JADE2: variants seen among roughly 807,000 people sequenced by gnomAD.
JADE2 encodes E3 ubiquitin-protein ligase Jade-2.
JADE2 carries 13 observed loss-of-function variants against 85.7 expected under a neutral mutation model. The ratio of observed to expected loss-of-function variants is 0.15; its 90% CI spans 0.10 to 0.24. The LOEUF (loss-of-function observed/expected upper bound fraction) is 0.24, where lower values mean the gene tolerates loss of function less well. JADE2 is among the 10% of genes least tolerant of loss of function. The pLI is 1.00. For missense variants in JADE2, 846 were observed against 1,115.9 expected (o/e 0.76, Z 3.45); for synonymous variants, 440 against 456.1 (o/e 0.96, Z 0.45).
At chr5:134,546,622 G>T (rs1316286607) in intron 3 of JADE2, among the ~76,000 whole-genome samples, 1 of 152,000 alleles carries the variant, frequency 6.6e-6, no homozygotes, top group Non-Finnish European at 1.5e-5. Context: ...ATAAAAATTA[G>T]CTGGGCGCGG....
chr5:134,547,493 C>T (rs935855437), intron 3 of JADE2, among the ~76,000 whole-genome samples: 5 of 152,168 alleles, frequency 3.3e-5, no homozygotes, highest in African/African-American at 4.8e-5. Flanking sequence ...ACTTTCTTGC[C>T]ACAGCAAGGC....
intron 4 of JADE2, 73 bp from the exon 5 acceptor site, chr5:134,559,757 T>A: frequency 6.7e-7 from 1 of 1,493,302 alleles, no homozygotes; most frequent in Middle Eastern, 2.4e-4. Flanking sequence ...GCTGGACTGG[T>A]CAGCTCCCTG....
chr5:134,553,029 T>G (rs1413019577), intron 4 of JADE2, among the ~76,000 whole-genome samples: 1 of 128,602 alleles, frequency 7.8e-6, no homozygotes, highest in Non-Finnish European at 1.6e-5. Flanking sequence ...GGTCTCACTC[T>G]GTTACCCAGG....
intron 10 of JADE2, chr5:134,574,864 A>G (rs928001545): frequency 6.6e-6 from 1 of 152,256 alleles, no homozygotes; most frequent in African/African-American, 2.4e-5. Flanking sequence ...GAGAGAGAGG[A>G]ATGTGGTATC....
intron 3 of JADE2, chr5:134,544,582 C>T: frequency 6.0e-6 from 1 of 166,420 alleles, no homozygotes; most frequent in Non-Finnish European, 1.5e-5. Flanking sequence ...AAGCAGGCCA[C>T]CCTGAGCTGG....
chr5:134,545,686 A>T (rs1052045403), intron 3 of JADE2, among the ~76,000 whole-genome samples: 1 of 152,200 alleles, frequency 6.6e-6, no homozygotes, highest in East Asian at 1.9e-4. Context: ...CTCAGTCTCC[A>T]CATCTGTAAA....
intron 1 of JADE2, chr5:134,526,646 C>T (rs947430741): frequency 2.7e-5 from 27 of 985,534 alleles, no homozygotes; most frequent in African/African-American, 1.2e-4. Flanking sequence ...CCCCCTCTCC[C>T]GGCCCGGTGC....
chr5:134,554,691 A>T (rs929042814), intron 4 of JADE2, among the ~76,000 whole-genome samples: 2 of 151,854 alleles, frequency 1.3e-5, no homozygotes, highest in Non-Finnish European at 2.9e-5. Flanking sequence ...TTTGGAGAGG[A>T]TGGACTGGGG....
intron 3 of JADE2, among the ~76,000 whole-genome samples, chr5:134,539,639 C>T (rs1005492370): frequency 6.6e-6 from 1 of 152,268 alleles, no homozygotes; most frequent in Non-Finnish European, 1.5e-5. Context: ...ATCGCAAGGT[C>T]ATTTAGCCAA....
chr5:134,561,412 C>T (rs1050638085), intron 6 of JADE2, among the ~76,000 whole-genome samples: 4 of 152,210 alleles, frequency 2.6e-5, no homozygotes, highest in Non-Finnish European at 4.4e-5. Flanking sequence ...GATTGTTGCA[C>T]GGATTAAATT....
At chr5:134,559,092 G>C (rs749293622) in intron 4 of JADE2, among the ~76,000 whole-genome samples, 1 of 152,164 alleles carries the variant, frequency 6.6e-6, no homozygotes, top group Non-Finnish European at 1.5e-5. Context: ...TCCTGGGGCC[G>C]GGTAACACTG....
At chr5:134,576,378 T>C (rs961850831) in intron 10 of JADE2, among the ~76,000 whole-genome samples, 8 of 152,128 alleles carry the variant, frequency 5.3e-5, no homozygotes, top group African/African-American at 1.9e-4. Flanking sequence ...AACCCAAGCC[T>C]CTTGACCCCT....
chr5:134,573,923 A>G, intron 10 of JADE2, 161 bp downstream of exon 10: 2 of 711,128 alleles, frequency 2.8e-6, no homozygotes, highest in Non-Finnish European at 5.1e-6. Flanking sequence ...TAGTAGGCCC[A>G]GACGGGGGCC....
At chr5:134,545,171 G>A (rs1340737520) in intron 3 of JADE2, among the ~76,000 whole-genome samples, 5 of 152,182 alleles carry the variant, frequency 3.3e-5, no homozygotes, top group African/African-American at 1.2e-4. Context: ...TGAGGCAGGC[G>A]GGTTGGGGCG....
At position 134,579,415 on chromosome 5, in the gene JADE2, C is replaced by T. The variant is rs1764592001; in HGVS notation, c.*98C>T. 7 of 945,470 alleles carry T rather than the reference C, an allele frequency of 7.4e-6. No individual in the cohort carries two copies. The highest frequency in any genetic ancestry group is 1.7e-5 in the African/African-American group (1 of 60,310). The allele number at this position is 945,470 out of a possible 1,614,324, so 58.6% of individuals were successfully genotyped here. The stretch of plus-strand genomic sequence containing the variant: ...TCCAGTCTCTGCTGAGTGTCCCAGA[C>T]CCTCGAGGCTGCCACTCCGTCGTGG... On this transcript the variant is annotated 3_prime_UTR_variant, in exon 12 of 12. Transcript: ENST00000681547. The surrounding 1 kb of genome is among the most constrained non-coding windows in gnomAD (Gnocchi z 4.6).
chr5:134,557,215 G>T (rs1581444036), intron 4 of JADE2, among the ~76,000 whole-genome samples: 1 of 149,582 alleles, frequency 6.7e-6, no homozygotes, highest in African/African-American at 2.4e-5. Flanking sequence ...TGATGATGAT[G>T]ATGATGATTA....
rs145806674 is a variant in JADE2, at chr5:134,554,841, T to C, written c.311+2632T>C. ...TGCCTGGTAGCTGCCCGGGTCAGAA[T>C]TGTTAGAGAAACCCTGTTCTTGAGG... On this transcript the variant is annotated intron_variant, in intron 4 of 11. Coordinates refer to ENST00000681547, the MANE Select transcript of JADE2 (RefSeq NM_001388185.1). 1.2e-3 allele frequency among the ~76,000 whole-genome samples: 182 copies of C among 152,334 alleles called. 8 individuals are homozygous for C. The East Asian group carries it at 0.034, about 28-fold the overall frequency.
Position 134,562,176 on chromosome 5 carries a change from C to T in JADE2, c.685-24C>T, listed in dbSNP as rs766795436. ...CACAGATTGGCCAGTTCCGCTGACT[C>T]ATGACCACCCTGCTCTCTCCTAGGC... is the stretch of plus-strand genomic sequence containing the variant. On this transcript the variant is annotated intron_variant, in intron 6 of 11. Coordinates refer to ENST00000681547, the MANE Select transcript of JADE2 (RefSeq NM_001388185.1). This position sits in a 1 kb window ranked among gnomAD's most constrained non-coding sequence, Gnocchi z 4.6. 12 of 1,583,424 alleles carry T rather than the reference C, an allele frequency of 7.6e-6. No homozygotes were observed. The highest frequency in any genetic ancestry group is 9.5e-6 in the Non-Finnish European group (11 of 1,162,732).
chr5:134,542,338 T>G (rs1427669551), intron 3 of JADE2, among the ~76,000 whole-genome samples: 1 of 152,090 alleles, frequency 6.6e-6, no homozygotes, highest in East Asian at 1.9e-4. Flanking sequence ...TCTGAGAATC[T>G]AATGGAATTT....
Sources: gnomAD v4.1 joint callset for allele counts (sites outside exome capture counted in the v4.1 genomes callset) on GRCh38, gnomAD v4.1.1 for gene constraint, Gnocchi (gnomAD v3.1) non-coding constraint, MANE v1.5 for transcripts, NCBI Gene and HGNC (gene_info 2026-07-23, HGNC 2026-07-21) for gene names.